The following FNBP1 variants were observed in gnomAD, a reference collection of about 807,000 sequenced individuals.
FNBP1 encodes the protein formin binding protein 1, also known as formin-binding protein 1.
Under a neutral mutation model 90.6 loss-of-function variants are expected in FNBP1, and 26 were observed. The ratio of observed to expected loss-of-function variants is 0.29; its 90% confidence interval spans 0.21 to 0.40. The LOEUF is 0.40. Among genes scored for constraint, FNBP1 ranks in the 10% least tolerant of loss-of-function variants. FNBP1 has a pLI of 1.00. For synonymous variants in FNBP1, 260 were observed against 265.2 expected, an observed-to-expected ratio of 0.98 and a Z score of 0.19; for missense variants, 635 against 768.0, an observed-to-expected ratio of 0.83 and a Z score of 2.05.
intron 2 of FNBP1, among the ~76,000 whole-genome samples, chr9:129,990,780 TG>T (rs1356996847): frequency 6.6e-6 from 1 of 152,094 alleles, no homozygotes; most frequent in African/African-American, 2.4e-5. Context: ...ACGTAGGCCA[TG>T]TGACATGGAC....
chr9:129,898,077 G>A (rs1370397699), intron 15 of FNBP1, among the ~76,000 whole-genome samples: 1 of 152,108 alleles, frequency 6.6e-6, no homozygotes, highest in African/African-American at 2.4e-5. Flanking sequence ...TGATCTGCCT[G>A]CCTCAGCCTC....
rs1204709621 is a variant in FNBP1 at position 129,887,490 on chromosome 9, A to G, written c.*3049T>C. ...AGAGCCAATAAGAAACATGAAACCAATATTTCTGGAAAAACACTTAGCATG... is the reference window on the plus strand; with the variant it reads ...AGAGCCAATAAGAAACATGAAACCAGTATTTCTGGAAAAACACTTAGCATG... On this transcript the variant is annotated 3_prime_UTR_variant, in exon 17 of 17. Coordinates refer to ENST00000446176, the MANE Select transcript of FNBP1 (RefSeq NM_015033.3). 1 of 203,364 alleles carries G rather than the reference A, an allele frequency of 4.9e-6. No homozygotes were observed. The highest frequency in any genetic ancestry group is 1.0e-5 in the Non-Finnish European group (1 of 99,108). 12.6% of individuals were successfully genotyped at this position (203,364 alleles called of 1,614,324 possible). A position where few individuals can be genotyped will look rare whatever the true frequency, so the allele number is the denominator to read the frequency against.
rs1326596049 is a variant in FNBP1, at chr9:129,957,122, A to G, written c.513+238T>C. On this transcript the variant is annotated intron_variant, in intron 6 of 16. Coordinates refer to ENST00000446176, the MANE Select transcript of FNBP1 (RefSeq NM_015033.3). The surrounding 1 kb of genome is among the most constrained non-coding windows in gnomAD (Gnocchi z 4.3). ...GCGTGATCTTGGCTCACTGCAGCCA[A>G]CGCCTCCTGGGCTCAAGCGATTCTC... Among the ~76,000 whole-genome samples, 1 of 150,226 alleles carries G rather than the reference A, an allele frequency of 6.7e-6. No homozygotes were observed. The highest frequency in any genetic ancestry group is 1.5e-5 in the Non-Finnish European group (1 of 67,474).
At chr9:129,974,250 G>C (rs2049960294) in intron 4 of FNBP1, among the ~76,000 whole-genome samples, 1 of 152,138 alleles carries the variant, frequency 6.6e-6, no homozygotes, top group Non-Finnish European at 1.5e-5. Context: ...ACTGCCCCGA[G>C]AGGGAAGCAG....
chr9:130,038,169 A>G (rs1221748335), intron 1 of FNBP1, among the ~76,000 whole-genome samples: 1 of 151,774 alleles, frequency 6.6e-6, no homozygotes. Flanking sequence ...CCTGGCTAAC[A>G]CAGTGAAACC....
chr9:129,939,946 A>T (rs1334901205), intron 6 of FNBP1, among the ~76,000 whole-genome samples: 1 of 152,188 alleles, frequency 6.6e-6, no homozygotes, highest in Non-Finnish European at 1.5e-5. Context: ...CACACCTGTA[A>T]TCCCAGCACT....
rs2059934242 is a variant in FNBP1, at chr9:130,042,639, G to C, written c.24+313C>G. 6.6e-6 allele frequency among the ~76,000 whole-genome samples: 1 copy of C among 151,636 alleles called. No homozygotes were observed. The highest frequency in any genetic ancestry group is 2.4e-5 in the African/African-American group (1 of 41,354). ...CGGGCATCCGCGGCTCGCCCCGGGGGATTAGGGCTCGGCCCGACACACACG... is the reference window on the plus strand; with the variant it reads ...CGGGCATCCGCGGCTCGCCCCGGGGCATTAGGGCTCGGCCCGACACACACG... On this transcript the variant is annotated intron_variant, in intron 1 of 16. Transcript: ENST00000446176. This position sits in a 1 kb window ranked among gnomAD's most constrained non-coding sequence, Gnocchi z 5.5.
intron 10 of FNBP1, among the ~76,000 whole-genome samples, chr9:129,922,198 A>AATGG (rs2041220697): frequency 6.6e-6 from 1 of 151,288 alleles, no homozygotes; most frequent in Non-Finnish European, 1.5e-5. Flanking sequence ...GGCTTAGACT[A>AATGG]GACTGGCCAT....
intron 1 of FNBP1, among the ~76,000 whole-genome samples, chr9:130,032,245 C>T (rs894867402): frequency 6.6e-6 from 1 of 151,838 alleles, no homozygotes; most frequent in African/African-American, 2.4e-5. Context: ...CAGCTCACTG[C>T]AGCCAGCCTC....
chr9:129,937,891 G>A (rs2043719379), intron 6 of FNBP1, among the ~76,000 whole-genome samples: 3 of 152,044 alleles, frequency 2.0e-5, no homozygotes, highest in African/African-American at 4.8e-5. Flanking sequence ...GGCTGGCCGC[G>A]GTGGCTCATG....
intron 1 of FNBP1, among the ~76,000 whole-genome samples, chr9:130,021,053 C>T (rs519600): frequency 0.91 from 138,816 of 152,178 alleles, 63,555 homozygotes; most frequent in East Asian, 0.99. Context: ...TTCTCCAAAA[C>T]GTCAAATTGC....
At chr9:130,053,097 C>T in the FNBP1 span, among the ~76,000 whole-genome samples, 1 of 152,052 alleles carries the variant, frequency 6.6e-6, no homozygotes, top group African/African-American at 2.4e-5. Context: ...GCCTGGGTGA[C>T]AAGAGCTAGA....
intron 10 of FNBP1, among the ~76,000 whole-genome samples, chr9:129,917,414 C>A (rs1476283877): frequency 6.6e-5 from 10 of 151,864 alleles, no homozygotes; most frequent in Admixed American, 6.6e-4. Context: ...CTCACTGAAG[C>A]CTCAACCTCT....
rs773556579 is a variant in FNBP1, at chr9:129,929,645, T to C, written c.564A>G (p.Ala188=). The part of the protein sequence containing the change: ...IRHQMAEDSK[A]DYSSILQKFN... ...ATTTCTGGAGAATGGATGAGTAATC[T>C]GCTTTGCTGTCCTCTGCCATTTGGT... The change falls in exon 7 of 17, where the codon GCA becomes GCG. Residue 188 remains alanine, a synonymous_variant. Coordinates refer to ENST00000446176, the MANE Select transcript of FNBP1 (RefSeq NM_015033.3). The C allele has an allele frequency of 1.2e-6, 2 of 1,613,952 alleles. No individual in the cohort carries two copies. The highest frequency in any genetic ancestry group is 1.7e-6 in the Non-Finnish European group (2 of 1,179,828).
At chr9:129,928,032 C>A (rs1324346929) in intron 7 of FNBP1, among the ~76,000 whole-genome samples, 1 of 152,184 alleles carries the variant, frequency 6.6e-6, no homozygotes, top group Admixed American at 6.5e-5. Flanking sequence ...ACTGCCTCAG[C>A]CCAATACATG....
At chr9:129,984,223 C>T (rs774601002) in intron 2 of FNBP1, among the ~76,000 whole-genome samples, 1 of 150,422 alleles carries the variant, frequency 6.6e-6, no homozygotes, top group Admixed American at 6.6e-5. Context: ...TTCCCAACAA[C>T]AAAAGGTGAA....
At chr9:129,961,487 T>A (rs545862794) in intron 4 of FNBP1, among the ~76,000 whole-genome samples, 14 of 152,242 alleles carry the variant, frequency 9.2e-5, no homozygotes, top group African/African-American at 3.4e-4. Flanking sequence ...AGGAAGGAAG[T>A]GCTAGAAATA....
Position 130,006,513 on chromosome 9 carries a change from C to CA in FNBP1, c.25-11556dup, listed in dbSNP as rs938419699. 6.6e-4 allele frequency among the ~76,000 whole-genome samples: 98 copies of CA among 148,974 alleles called. 1 individual carries two copies. The highest frequency in any genetic ancestry group is 4.0e-4 in the Admixed American group (6 of 14,922). On this transcript the variant is annotated intron_variant, in intron 1 of 16. Coordinates refer to ENST00000446176, the MANE Select transcript of FNBP1 (RefSeq NM_015033.3). Reference sequence around the variant, plus strand: ...TGTCTCAAAAAGAAACAAAACAAAACAAAAAAACTAGCCAAGCATGGTGGC... The same window carrying CA: ...TGTCTCAAAAAGAAACAAAACAAAACAAAAAAAACTAGCCAAGCATGGTGGC...
chr9:130,021,610 A>G (rs1242917543), intron 1 of FNBP1, among the ~76,000 whole-genome samples: 1 of 152,186 alleles, frequency 6.6e-6, no homozygotes, highest in Non-Finnish European at 1.5e-5. Flanking sequence ...GTATTTTAAA[A>G]TAGCACCTAA....
Sources: allele counts gnomAD v4.1 joint callset (sites outside exome capture counted in the v4.1 genomes callset), GRCh38; gene constraint gnomAD v4.1.1; non-coding constraint Gnocchi (gnomAD v3.1); transcripts MANE v1.5; gene names NCBI Gene and HGNC (gene_info 2026-07-23, HGNC 2026-07-21).